PSMD11: variants seen among roughly 807,000 people sequenced by gnomAD.
PSMD11 encodes the protein 26S proteasome non-ATPase regulatory subunit 11.
In PSMD11, 5 loss-of-function variants were observed where a neutral mutation model predicts 62.3. That is an observed-to-expected ratio of 0.08 (90% CI 0.04 to 0.17). The LOEUF is 0.17. Ranked by LOEUF, PSMD11 falls within the 10% of genes least tolerant of loss-of-function variation. The pLI is 1.00. For synonymous variants in PSMD11, 191 were observed against 191.8 expected (o/e 1.00, Z 0.03); for missense variants, 310 against 512.9 (o/e 0.60, Z 3.82).
At chr17:32,460,918 T>C (rs1334897421) in intron 3 of PSMD11, among the ~76,000 whole-genome samples, 4 of 151,782 alleles carry the variant, frequency 2.6e-5, no homozygotes, top group African/African-American at 9.7e-5. Context: ...GATGGGTTGG[T>C]TGGCAAGGGC....
At position 32,481,350 on chromosome 17, in the gene PSMD11, C is replaced by CACT. The variant is rs1209789204; in HGVS notation, c.*599_*601dup. The CACT allele has an allele frequency of 6.1e-6, 1 of 162,838 alleles. No individual in the cohort carries two copies. Among genetic ancestry groups the CACT allele is most frequent in the African/African-American group, 2.4e-5 (1 of 41,592 alleles). The allele number at this position is 162,838 out of a possible 1,614,324, so 10.1% of individuals were successfully genotyped here. On this transcript the variant is annotated 3_prime_UTR_variant, in exon 14 of 14. Coordinates refer to ENST00000261712, the MANE Select transcript of PSMD11 (RefSeq NM_002815.4). ...CTGCCGCCGCCGCCACCACCACCAC[C>CACT]ACTGCAGCAACAACAGCAGCAGCAG...
Position 32,468,860 on chromosome 17 carries a change from A to G in PSMD11, c.449-139A>G, listed in dbSNP as rs865851243. ...CATTAGTGGAAAATTTAATTATTGCATGGGGTCTAGAGGTAACCTTTTTTG... is the reference window on the plus strand; with the variant it reads ...CATTAGTGGAAAATTTAATTATTGCGTGGGGTCTAGAGGTAACCTTTTTTG... On this transcript the variant is annotated intron_variant, in intron 5 of 13. Transcript: ENST00000261712. 8.3e-5 allele frequency: 53 copies of G among 637,442 alleles called. 1 individual carries two copies. In the South Asian group the frequency reaches 1.4e-3, roughly 16 times the overall value. 39.5% of individuals were successfully genotyped at this position (637,442 alleles called of 1,614,324 possible).
rs1296779918 is a variant in PSMD11, at chr17:32,446,967, C to T, written c.114C>T (p.Asn38=). The T allele has an allele frequency of 7.4e-6, 12 of 1,611,222 alleles. No individual in the cohort carries two copies. Among genetic ancestry groups the T allele is most frequent in the Middle Eastern group, 1.6e-4 (1 of 6,080 alleles). ...CAGTGAAGCGTGACATTCAGGAAAACGATGAAGAGGCAGTGCAAGTCAAAG... is the reference window on the plus strand; with the variant it reads ...CAGTGAAGCGTGACATTCAGGAAAATGATGAAGAGGCAGTGCAAGTCAAAG... ...HSIVKRDIQE[N]DEEAVQVKEQ... is the part of the protein sequence containing the mutation. The change falls in exon 2 of 14, where the codon AAC becomes AAT. Residue 38 remains asparagine (N), a synonymous_variant. Transcript: ENST00000261712.
intron 8 of PSMD11, chr17:32,477,255 GA>G: frequency 2.8e-6 from 1 of 358,624 alleles, no homozygotes; most frequent in Non-Finnish European, 5.0e-6. Context: ...CATCTCTAGA[GA>G]ATGCTATATT....
At chr17:32,459,115 CATAT>C (rs10595066) in intron 3 of PSMD11, among the ~76,000 whole-genome samples, 1,588 of 111,834 alleles carry the variant, frequency 0.014, 15 homozygotes, top group Middle Eastern at 0.021. Context: ...AAAAAAAATA[CATAT>C]ATATATATAT....
At chr17:32,460,954 A>G (rs988203602) in intron 3 of PSMD11, among the ~76,000 whole-genome samples, 1 of 152,010 alleles carries the variant, frequency 6.6e-6, no homozygotes, top group Non-Finnish European at 1.5e-5. Context: ...TAAGGTGAAG[A>G]GGAGGGAAGG....
intron 2 of PSMD11, among the ~76,000 whole-genome samples, chr17:32,452,185 A>G (rs886255720): frequency 1.3e-4 from 20 of 152,222 alleles, no homozygotes; most frequent in African/African-American, 4.3e-4. Flanking sequence ...TACTAAGACC[A>G]TATAACCTGT....
intron 3 of PSMD11, among the ~76,000 whole-genome samples, chr17:32,459,142 A>ATT (rs550831770): frequency 3.8e-5 from 5 of 132,374 alleles, no homozygotes; most frequent in East Asian, 4.5e-4. Flanking sequence ...ATATATATGT[A>ATT]TTTTTTTTTT....
rs1908485564 is a variant in PSMD11 at position 32,481,353 on chromosome 17, T to TGCA, written c.*605_*607dup. On this transcript the variant is annotated 3_prime_UTR_variant, in exon 14 of 14. Coordinates refer to ENST00000261712, the MANE Select transcript of PSMD11 (RefSeq NM_002815.4). ...CCGCCGCCGCCACCACCACCACCACTGCAGCAACAACAGCAGCAGCAGCAG... is the reference window on the plus strand; with the variant it reads ...CCGCCGCCGCCACCACCACCACCACTGCAGCAGCAACAACAGCAGCAGCAGCAG... 1.8e-5 allele frequency: 3 copies of TGCA among 162,564 alleles called. No individual in the cohort carries two copies. Among genetic ancestry groups the TGCA allele is most frequent in the Non-Finnish European group, 4.1e-5 (3 of 74,034 alleles). The allele number at this position is 162,564 out of a possible 1,614,324, so 10.1% of individuals were successfully genotyped here.
intron 4 of PSMD11, among the ~76,000 whole-genome samples, 158 bp downstream of exon 4, chr17:32,464,278 AT>A (rs1473948132): frequency 6.6e-6 from 1 of 152,202 alleles, no homozygotes; most frequent in Non-Finnish European, 1.5e-5. Context: ...AATTGCTCTG[AT>A]TGAAGTTTTG....
At chr17:32,480,290 C>T in intron 12 of PSMD11, 93 bp downstream of exon 12, 6 of 1,540,574 alleles carry the variant, frequency 3.9e-6, no homozygotes, top group Non-Finnish European at 5.4e-6. Flanking sequence ...TTTGTTTCCC[C>T]CGATGGTTCA....
In PSMD11 at chr17:32,479,239, T is replaced by C. The variant is rs1462179547; in HGVS notation, c.913-12T>C. 1.9e-6 allele frequency: 3 copies of C among 1,613,486 alleles called. No individual in the cohort carries two copies. Among genetic ancestry groups the C allele is most frequent in the Non-Finnish European group, 2.5e-6 (3 of 1,179,638 alleles). ...TCTCTGTGCCAATCTCTGCAACTGGTTCCTTTGGCAGGCTCTGACAGATTA... is the reference window on the plus strand; with the variant it reads ...TCTCTGTGCCAATCTCTGCAACTGGCTCCTTTGGCAGGCTCTGACAGATTA... On this transcript the variant is annotated splice_polypyrimidine_tract_variant and intron_variant, in intron 9 of 13. Transcript: ENST00000261712.
intron 1 of PSMD11, among the ~76,000 whole-genome samples, chr17:32,446,233 G>A (rs990735708): frequency 6.6e-6 from 1 of 152,166 alleles, no homozygotes; most frequent in Non-Finnish European, 1.5e-5. Context: ...AGTAACTAGT[G>A]ATGATCACTA....
chr17:32,444,571 C>T lies in PSMD11; in HGVS notation c.48C>T (p.Leu16=), dbSNP rs372127595. The change falls in exon 1 of 14, where the codon CTC becomes CTT. Residue 16 remains leucine (L), a synonymous_variant. Coordinates refer to ENST00000261712, the MANE Select transcript of PSMD11 (RefSeq NM_002815.4). ...VVEFQRAQSL[L]STDREASIDI... ...AGTTCCAGAGAGCCCAGTCTCTACT[C>T]AGCACCGACCGGGAGGCCTCCATCG... The T allele has an allele frequency of 6.2e-7, 1 of 1,611,794 alleles. No homozygotes were observed. Among genetic ancestry groups the T allele is most frequent in the East Asian group, 2.2e-5 (1 of 44,720 alleles).
intron 6 of PSMD11, among the ~76,000 whole-genome samples, chr17:32,472,957 A>T (rs2150838189): frequency 6.6e-6 from 1 of 150,694 alleles, no homozygotes; most frequent in South Asian, 2.1e-4. Context: ...GGAGTTCAAG[A>T]CTAGCCTGGC....
intron 1 of PSMD11, 165 bp downstream of exon 1, chr17:32,444,779 C>A (rs1298788245): frequency 1.3e-6 from 1 of 745,314 alleles, no homozygotes; most frequent in Admixed American, 3.1e-5. Context: ...CCAGAGCCTC[C>A]CAGGTCTCAC....
At chr17:32,476,853 C>G (rs1370236312) in intron 8 of PSMD11, 1 of 152,312 alleles carries the variant, frequency 6.6e-6, no homozygotes, top group Non-Finnish European at 1.5e-5. Context: ...CAACCTCTGC[C>G]TCCTGGGTTC....
intron 9 of PSMD11, 51 bp from the exon 10 acceptor site, chr17:32,479,200 G>A (rs760208126): frequency 1.3e-6 from 2 of 1,599,390 alleles, no homozygotes; most frequent in South Asian, 2.3e-5. Context: ...GGAGTAGCAT[G>A]ACTTTAAAGT....
At chr17:32,475,945 C>G (rs1302912434) in intron 8 of PSMD11, among the ~76,000 whole-genome samples, 1 of 151,988 alleles carries the variant, frequency 6.6e-6, no homozygotes, top group Non-Finnish European at 1.5e-5. Flanking sequence ...AAACCAGGAG[C>G]TGACCTGAAA....
Sources: allele counts gnomAD v4.1 joint callset (sites outside exome capture counted in the v4.1 genomes callset), GRCh38; gene constraint gnomAD v4.1.1; transcripts MANE v1.5; gene names NCBI Gene and HGNC (gene_info 2026-07-23, HGNC 2026-07-21).